CLSTN2: variants seen among roughly 807,000 people sequenced by gnomAD.
The protein encoded by CLSTN2 is calsyntenin-2.
Under a neutral mutation model 101.2 loss-of-function variants are expected in CLSTN2, and 48 were observed. The observed-to-expected ratio is 0.47, with a 90% CI of 0.38 to 0.60. CLSTN2 has a LOEUF of 0.60. CLSTN2 is among the 20% of genes least tolerant of loss of function. The probability of loss-of-function intolerance (pLI) is 0.00; values close to 1 mark genes in which losing one functional copy is unlikely to be tolerated. For missense variants in CLSTN2, 1,160 were observed against 1,238.2 expected (o/e 0.94, Z 0.95); for synonymous variants, 481 against 463.6 (o/e 1.04, Z -0.48).
chr3:140,004,654 G>T (rs1051432318), intron 1 of CLSTN2, among the ~76,000 whole-genome samples: 1 of 152,190 alleles, frequency 6.6e-6, no homozygotes, highest in African/African-American at 2.4e-5. Context: ...ACTTGGAAAA[G>T]ATATCTGAAT....
At chr3:140,120,817 C>A (rs1482738248) in intron 1 of CLSTN2, among the ~76,000 whole-genome samples, 1 of 152,204 alleles carries the variant, frequency 6.6e-6, no homozygotes, top group Non-Finnish European at 1.5e-5. Context: ...TTCTGTTCAA[C>A]CACCTGGGCT....
chr3:140,081,762 G>A (rs948210881), intron 1 of CLSTN2, among the ~76,000 whole-genome samples: 4 of 152,078 alleles, frequency 2.6e-5, no homozygotes, highest in African/African-American at 7.2e-5. Flanking sequence ...TGCTCATTCC[G>A]ATCAACTGGA....
intron 2 of CLSTN2, among the ~76,000 whole-genome samples, chr3:140,249,662 T>C (rs116393171): frequency 2.3e-3 from 353 of 152,306 alleles, no homozygotes; most frequent in African/African-American, 7.8e-3. Flanking sequence ...GGGGGACTGA[T>C]AGGGAAAGAG....
At chr3:140,356,756 C>CA (rs55634580) in intron 2 of CLSTN2, among the ~76,000 whole-genome samples, 85,569 of 111,054 alleles carry the variant, frequency 0.77, 32,837 homozygotes, top group Non-Finnish European at 0.84. Context: ...GACCTTGTCT[C>CA]AAAAAAAAAA....
In CLSTN2 at chr3:140,191,731, A is replaced by G. The variant is rs538654786; in HGVS notation, c.232+15658A>G. ...CCTTTTGATATCTGCAGGATCTGTA[A>G]TATCTGCCAGTTTGCTCCTCATGTT... On this transcript the variant is annotated intron_variant, in intron 2 of 16. Coordinates refer to ENST00000458420, the MANE Select transcript of CLSTN2 (RefSeq NM_022131.3). 1.6e-4 allele frequency among the ~76,000 whole-genome samples: 24 copies of G among 151,992 alleles called. No homozygotes were observed. The South Asian group carries it at 5.0e-3, about 32-fold the overall frequency.
At chr3:140,040,701 A>G (rs915123869) in intron 1 of CLSTN2, among the ~76,000 whole-genome samples, 8 of 152,174 alleles carry the variant, frequency 5.3e-5, no homozygotes, top group Admixed American at 2.0e-4. Flanking sequence ...TAAAGAAAAT[A>G]TAACACTTCT....
intron 8 of CLSTN2, among the ~76,000 whole-genome samples, chr3:140,488,221 G>A (rs566316745): frequency 6.6e-6 from 1 of 152,286 alleles, no homozygotes; most frequent in Admixed American, 6.5e-5. Flanking sequence ...TCATCAAGAA[G>A]TTTTGGTCAA....
In CLSTN2 at chr3:139,964,981, A is replaced by G. The variant is rs1194929317; in HGVS notation, c.109+29498A>G. On this transcript the variant is annotated intron_variant, in intron 1 of 16. Transcript: ENST00000458420. ...ATATTTCTCCCAGGCACCCCAATTC[A>G]TCTTGATGGCAGGCTTCAGACAATG... Among the ~76,000 whole-genome samples, 3 of 152,258 alleles carry G rather than the reference A, an allele frequency of 2.0e-5. No individual in the cohort carries two copies. The East Asian group carries it at 5.8e-4, about 29-fold the overall frequency.
At chr3:140,526,681 A>G (rs897485455) in intron 8 of CLSTN2, among the ~76,000 whole-genome samples, 2 of 152,096 alleles carry the variant, frequency 1.3e-5, no homozygotes, top group Non-Finnish European at 2.9e-5. Context: ...CTCGACTTCA[A>G]ATTATACCAT....
chr3:140,114,346 T>C (rs1486929665), intron 1 of CLSTN2, among the ~76,000 whole-genome samples: 1 of 152,150 alleles, frequency 6.6e-6, no homozygotes, highest in African/African-American at 2.4e-5. Context: ...CTGGATTAGG[T>C]CTGCCCCATG....
At chr3:140,353,058 A>T (rs557590859) in intron 2 of CLSTN2, among the ~76,000 whole-genome samples, 1 of 152,168 alleles carries the variant, frequency 6.6e-6, no homozygotes, top group Admixed American at 6.5e-5. Flanking sequence ...ATTGTATCAG[A>T]TATTAAAACT....
Position 139,935,416 on chromosome 3 carries a change from G to C in CLSTN2, c.42G>C (p.Ala14=), listed in dbSNP as rs993397228. The part of the protein sequence containing the change: ...GRLCWVPLLL[A]LGVGSGSGGG... ...TGTGCTGGGTGCCGCTCCTGCTGGC[G>C]CTGGGCGTGGGGAGCGGCAGCGGCG... Residue 14 remains alanine (A), a synonymous_variant, in exon 1 of 17, where the codon GCG becomes GCC. Transcript: ENST00000458420. The surrounding 1 kb of genome is among the most constrained non-coding windows in gnomAD (Gnocchi z 5.5). 3.2e-6 allele frequency: 4 copies of C among 1,231,204 alleles called. No homozygotes were observed. In the African/African-American group the frequency reaches 6.2e-5, roughly 19 times the overall value. The allele number at this position is 1,231,204 out of a possible 1,614,324, so 76.3% of individuals were successfully genotyped here.
At chr3:140,502,871 T>C (rs181620560) in intron 8 of CLSTN2, among the ~76,000 whole-genome samples, 18 of 152,340 alleles carry the variant, frequency 1.2e-4, no homozygotes, top group Non-Finnish European at 1.8e-4. Context: ...ATACCACATA[T>C]GTAGTGACTT....
chr3:140,443,853 C>T (rs954216293), intron 5 of CLSTN2, among the ~76,000 whole-genome samples: 5 of 152,150 alleles, frequency 3.3e-5, no homozygotes, highest in Middle Eastern at 3.2e-3. Context: ...GCAGATGAAG[C>T]AATGGAGGCT....
At chr3:140,400,716 A>G (rs994407010) in intron 2 of CLSTN2, among the ~76,000 whole-genome samples, 32 of 151,302 alleles carry the variant, frequency 2.1e-4, no homozygotes, top group Non-Finnish European at 4.3e-4. Flanking sequence ...AAAACTCAGG[A>G]CAGAGACAGA....
intron 1 of CLSTN2, among the ~76,000 whole-genome samples, chr3:140,067,754 G>A (rs2008322794): frequency 6.6e-6 from 1 of 152,194 alleles, no homozygotes; most frequent in Non-Finnish European, 1.5e-5. Context: ...AGACGGGGCT[G>A]CTTCTATCGT....
chr3:140,306,402 A>G (rs896877408), intron 2 of CLSTN2, among the ~76,000 whole-genome samples: 3 of 152,002 alleles, frequency 2.0e-5, no homozygotes, highest in Non-Finnish European at 4.4e-5. Context: ...CAACATGTTT[A>G]GAAAAAAAAA....
At chr3:140,031,198 TTA>T (rs1284675075) in intron 1 of CLSTN2, among the ~76,000 whole-genome samples, 1 of 152,160 alleles carries the variant, frequency 6.6e-6, no homozygotes, top group East Asian at 1.9e-4. Flanking sequence ...TTCTCTTTGG[TTA>T]TGTTATAAAT....
intron 1 of CLSTN2, among the ~76,000 whole-genome samples, chr3:140,134,620 G>A (rs1275484740): frequency 6.6e-6 from 1 of 152,138 alleles, no homozygotes; most frequent in African/African-American, 2.4e-5. Flanking sequence ...GTTACCACAT[G>A]GTTATCAGCT....
Sources: allele counts gnomAD v4.1 joint callset (sites outside exome capture counted in the v4.1 genomes callset), GRCh38; gene constraint gnomAD v4.1.1; non-coding constraint Gnocchi (gnomAD v3.1); transcripts MANE v1.5; gene names NCBI Gene and HGNC (gene_info 2026-07-23, HGNC 2026-07-21).